MYO3A: variants seen among roughly 807,000 people sequenced by gnomAD.
MYO3A encodes the protein myosin IIIA, also known as myosin-IIIa.
A neutral mutation model predicts 192.7 loss-of-function variants in MYO3A; 180 were observed. The observed-to-expected ratio is 0.93, with a 90% CI of 0.83 to 1.06. The LOEUF (loss-of-function observed/expected upper bound fraction) is 1.06, where lower values mean the gene tolerates loss of function less well. MYO3A is among the 50% of genes least tolerant of loss of function. The pLI is 0.00. For synonymous variants in MYO3A, 628 were observed against 645.3 expected (o/e 0.97, Z 0.41); for missense variants, 1,896 against 1,905.0 (o/e 1.00, Z 0.09).
intron 14 of MYO3A, among the ~76,000 whole-genome samples, chr10:26,070,987 T>C (rs1835170906): frequency 6.6e-6 from 1 of 151,778 alleles, no homozygotes; most frequent in Non-Finnish European, 1.5e-5. Context: ...AATTGATCTA[T>C]AGATATAATG....
intron 26 of MYO3A, among the ~76,000 whole-genome samples, chr10:26,159,453 A>G (rs1391361767): frequency 1.4e-5 from 2 of 145,996 alleles, no homozygotes; most frequent in African/African-American, 5.1e-5. Context: ...TCCGCTTCAC[A>G]GTGAGCTTGC....
At chr10:26,197,961 C>T (rs920308293) in intron 32 of MYO3A, among the ~76,000 whole-genome samples, 2 of 152,196 alleles carry the variant, frequency 1.3e-5, no homozygotes, top group African/African-American at 4.8e-5. Flanking sequence ...GGCCTATGCT[C>T]GCTGTTACAG....
At chr10:26,176,952 C>T (rs1374391917) in intron 31 of MYO3A, 107 bp downstream of exon 31, 2 of 1,310,034 alleles carry the variant, frequency 1.5e-6, no homozygotes, top group Non-Finnish European at 2.2e-6. Context: ...AGCCTGTGTC[C>T]TGTCTTAGGA....
At chr10:26,041,753 C>T (rs1187426207) in intron 10 of MYO3A, among the ~76,000 whole-genome samples, 1 of 152,124 alleles carries the variant, frequency 6.6e-6, no homozygotes, top group East Asian at 1.9e-4. Context: ...TGCTTTTTAA[C>T]TTTTTGTTGT....
chr10:26,146,955 T>A lies in MYO3A; in HGVS notation c.2506-475T>A, dbSNP rs200417125. ...TAGCAAGACCTCATCTCTAAACTTT[T>A]TTTTAAGTAATAACATTATTTAGAA... On this transcript the variant is annotated intron_variant, in intron 22 of 34. Transcript: ENST00000642920. Among the ~76,000 whole-genome samples the A allele has an allele frequency of 1.5e-3, 232 of 152,246 alleles. 3 individuals carry two copies. The highest frequency in any genetic ancestry group is 8.3e-3 in the East Asian group (43 of 5,182).
At chr10:26,210,184 T>G (rs953423002) in intron 34 of MYO3A, among the ~76,000 whole-genome samples, 2 of 152,006 alleles carry the variant, frequency 1.3e-5, no homozygotes, top group African/African-American at 4.8e-5. Flanking sequence ...GGGAAGGAAT[T>G]GTCTTTGTAC....
intron 26 of MYO3A, chr10:26,165,721 A>G (rs1255476289): frequency 9.3e-6 from 3 of 322,564 alleles, no homozygotes; most frequent in African/African-American, 2.1e-5. Flanking sequence ...CTGCCACTGC[A>G]GTCCTGCACT....
intron 20 of MYO3A, among the ~76,000 whole-genome samples, chr10:26,131,065 A>C (rs966736012): frequency 8.5e-5 from 13 of 152,212 alleles, no homozygotes; most frequent in Non-Finnish European, 1.3e-4. Flanking sequence ...GAGACTTACA[A>C]ATGATCCGGC....
chr10:26,118,753 T>G (rs1838672115), intron 17 of MYO3A, among the ~76,000 whole-genome samples: 1 of 151,926 alleles, frequency 6.6e-6, no homozygotes, highest in Admixed American at 6.6e-5. Context: ...TGCCCCAGCC[T>G]CCCGAGTAGC....
At chr10:25,978,054 T>G (rs1460361707) in intron 4 of MYO3A, among the ~76,000 whole-genome samples, 1 of 152,184 alleles carries the variant, frequency 6.6e-6, no homozygotes, top group Non-Finnish European at 1.5e-5. Flanking sequence ...GTAGAAGACA[T>G]AAAGGATATA....
chr10:26,193,152 C>A, intron 31 of MYO3A, 53 bp from the exon 32 acceptor site: 1 of 1,327,400 alleles, frequency 7.5e-7, no homozygotes, highest in Non-Finnish European at 1.1e-6. Flanking sequence ...GAAAACATCA[C>A]TTGATAATAG....
chr10:26,182,142 G>T (rs1358649704), intron 31 of MYO3A, among the ~76,000 whole-genome samples: 1 of 152,198 alleles, frequency 6.6e-6, no homozygotes, highest in African/African-American at 2.4e-5. Flanking sequence ...TGAGTGACTA[G>T]TTAGTGAGAA....
chr10:26,176,598 G>T, intron 30 of MYO3A, 103 bp from the exon 31 acceptor site: 1 of 1,039,382 alleles, frequency 9.6e-7, no homozygotes, highest in Admixed American at 2.0e-5. Context: ...AGGAACATGA[G>T]AGTCCCCAAG....
At chr10:25,942,392 A>T (rs1481681971) in intron 2 of MYO3A, among the ~76,000 whole-genome samples, 1 of 152,212 alleles carries the variant, frequency 6.6e-6, no homozygotes, top group African/African-American at 2.4e-5. Context: ...TGTGAATAAT[A>T]CTGCCATTAA....
intron 2 of MYO3A, among the ~76,000 whole-genome samples, chr10:25,950,199 G>A (rs1837116496): frequency 6.6e-6 from 1 of 152,108 alleles, no homozygotes; most frequent in Non-Finnish European, 1.5e-5. Context: ...GCTATTTGAG[G>A]ACAAACAGCA....
chr10:26,009,476 T>C (rs1841477754), intron 6 of MYO3A, among the ~76,000 whole-genome samples: 1 of 152,170 alleles, frequency 6.6e-6, no homozygotes, highest in African/African-American at 2.4e-5. Flanking sequence ...CTGGGACAGG[T>C]AAGTGAAAGG....
chr10:26,094,855 C>T (rs1004751950), intron 15 of MYO3A, among the ~76,000 whole-genome samples: 5 of 152,140 alleles, frequency 3.3e-5, no homozygotes, highest in Admixed American at 6.5e-5. Flanking sequence ...AAATAATTTG[C>T]GTGTAATTAT....
At chr10:26,039,635 T>G (rs1483170478) in intron 10 of MYO3A, among the ~76,000 whole-genome samples, 1 of 151,634 alleles carries the variant, frequency 6.6e-6, no homozygotes, top group Non-Finnish European at 1.5e-5. Flanking sequence ...GTCTGGGAAT[T>G]TATTTATTCT....
chr10:26,045,660 A>G (rs557661457), intron 10 of MYO3A, among the ~76,000 whole-genome samples: 3 of 152,186 alleles, frequency 2.0e-5, no homozygotes, highest in African/African-American at 7.2e-5. Flanking sequence ...AGGAAACAGA[A>G]TCTCATTTTC....
Sources: allele counts gnomAD v4.1 joint callset (sites outside exome capture counted in the v4.1 genomes callset), GRCh38; gene constraint gnomAD v4.1.1; transcripts MANE v1.5; gene names NCBI Gene and HGNC (gene_info 2026-07-23, HGNC 2026-07-21).